RIN2: variants seen among roughly 807,000 people sequenced by gnomAD.
The protein encoded by RIN2 is Ras and Rab interactor 2, also known as RAB5 interacting protein 2.
RIN2 carries 36 observed loss-of-function variants against 78.0 expected under a neutral mutation model. The observed-to-expected ratio is 0.46, with a 90% CI of 0.35 to 0.61. RIN2 has a LOEUF of 0.61. Ranked by LOEUF, RIN2 falls within the 20% of genes least tolerant of loss-of-function variation. The pLI is 0.00. For missense variants in RIN2, 1,087 were observed against 1,159.7 expected (o/e 0.94, Z 0.91); for synonymous variants, 466 against 466.8 (o/e 1.00, Z 0.02).
At chr20:19,909,357 G>A (rs1471369306) in intron 3 of RIN2, among the ~76,000 whole-genome samples, 1 of 152,134 alleles carries the variant, frequency 6.6e-6, no homozygotes, top group Non-Finnish European at 1.5e-5. Context: ...CAAATACTGA[G>A]GAGTTTTGAT....
intron 3 of RIN2, among the ~76,000 whole-genome samples, chr20:19,924,179 A>ACCTTCATACTCC (rs1568614964): frequency 6.3e-5 from 2 of 31,944 alleles, no homozygotes; most frequent in African/African-American, 4.2e-4. Context: ...CTTCATACCC[A>ACCTTCATACTCC]CACCTTCATA....
At chr20:19,984,624 G>T (rs936089729) in intron 9 of RIN2, among the ~76,000 whole-genome samples, 11 of 152,106 alleles carry the variant, frequency 7.2e-5, no homozygotes, top group African/African-American at 2.7e-4. Context: ...AAAGTTAGCT[G>T]GGTGTGGTGG....
chr20:19,778,148 A>G (rs1159280989), intron 1 of RIN2, among the ~76,000 whole-genome samples: 2 of 152,262 alleles, frequency 1.3e-5, no homozygotes, highest in Non-Finnish European at 2.9e-5. Context: ...GTGTTTATAA[A>G]TTGCCTACAT....
At chr20:19,999,797 C>T (rs1195601661) in intron 12 of RIN2, among the ~76,000 whole-genome samples, 1 of 152,194 alleles carries the variant, frequency 6.6e-6, no homozygotes, top group Non-Finnish European at 1.5e-5. Context: ...TAATTCCCTG[C>T]AGCACCACCT....
intron 1 of RIN2, among the ~76,000 whole-genome samples, chr20:19,770,884 C>CAA (rs1491058933): frequency 7.3e-6 from 1 of 136,368 alleles, no homozygotes; most frequent in African/African-American, 2.7e-5. Context: ...CCCCCCCCCC[C>CAA]CACCTTCCCA....
chr20:19,962,313 TA>T (rs111625666), intron 6 of RIN2, among the ~76,000 whole-genome samples: 225 of 136,944 alleles, frequency 1.6e-3, no homozygotes, highest in Middle Eastern at 7.6e-3. Context: ...CCAAAAATAT[TA>T]AAAAAAAAAA....
In RIN2 at chr20:19,828,620, T is replaced by C. The variant is rs530133007; in HGVS notation, c.-37+28873T>C. Among the ~76,000 whole-genome samples, 75 of 152,326 alleles carry C rather than the reference T, an allele frequency of 4.9e-4. 1 individual carries two copies. Among genetic ancestry groups the C allele is most frequent in the Non-Finnish European group, 9.7e-4 (66 of 68,030 alleles). On this transcript the variant is annotated intron_variant, in intron 2 of 12. Transcript: ENST00000255006. ...TTATCTTCTAATATGAAAACCATTA[T>C]GTAGGTGCATAGATTTATTTGTCCT...
At chr20:19,849,193 T>C (rs1370775308) in intron 2 of RIN2, among the ~76,000 whole-genome samples, 1 of 152,338 alleles carries the variant, frequency 6.6e-6, no homozygotes, top group South Asian at 2.1e-4. Flanking sequence ...TCTGGTTCCC[T>C]GTGAGCTCAT....
intron 3 of RIN2, chr20:19,934,348 G>GT (rs2040551369): frequency 3.1e-6 from 1 of 318,164 alleles, no homozygotes; most frequent in Admixed American, 6.5e-5. Context: ...ACAGTGCCTA[G>GT]TACGCGCCAG....
At position 19,833,099 on chromosome 20, in the gene RIN2, A is replaced by G. The variant is rs2036297983; in HGVS notation, c.-37+33352A>G. Among the ~76,000 whole-genome samples the G allele has an allele frequency of 2.6e-5, 4 of 151,948 alleles. No individual in the cohort carries two copies. In the South Asian group the frequency reaches 8.3e-4, roughly 32 times the overall value. ...AGCTCCCGCCCACAGTTTTCCCCTC[A>G]CCTTCTGCCTCTAACAGACCTTGGT... On this transcript the variant is annotated intron_variant, in intron 2 of 12. Coordinates refer to ENST00000255006, the MANE Select transcript of RIN2 (RefSeq NM_018993.4).
intron 2 of RIN2, among the ~76,000 whole-genome samples, chr20:19,873,746 C>A (rs1267581335): frequency 2.6e-5 from 4 of 152,190 alleles, no homozygotes; most frequent in African/African-American, 9.6e-5. Flanking sequence ...GAATTTGCAT[C>A]TCTGTGGGCA....
intron 3 of RIN2, among the ~76,000 whole-genome samples, chr20:19,901,983 T>C (rs1385983229): frequency 7.3e-6 from 1 of 136,302 alleles, no homozygotes; most frequent in African/African-American, 2.8e-5. Context: ...ACCACTGCAC[T>C]TCAGCCTGGG....
intron 4 of RIN2, among the ~76,000 whole-genome samples, chr20:19,952,551 G>T (rs906070386): frequency 1.3e-5 from 2 of 152,208 alleles, no homozygotes; most frequent in East Asian, 1.9e-4. Flanking sequence ...AAGGCCCCAT[G>T]AATCTTATTC....
At position 19,793,492 on chromosome 20, in the gene RIN2, G is replaced by A. The variant is rs373690137; in HGVS notation, c.-162-6130G>A. ...AGGGAGATGGCAATGCCTTTCTCTA[G>A]TACAATTAATTTAAAGAAAAAAAAG... is the stretch of plus-strand genomic sequence containing the variant. On this transcript the variant is annotated intron_variant, in intron 1 of 12. Transcript: ENST00000255006. 1.3e-4 allele frequency among the ~76,000 whole-genome samples: 19 copies of A among 151,874 alleles called. No individual in the cohort carries two copies. In the South Asian group the frequency reaches 4.0e-3, roughly 32 times the overall value.
intron 2 of RIN2, among the ~76,000 whole-genome samples, chr20:19,879,623 G>A (rs774989558): frequency 3.9e-5 from 6 of 152,160 alleles, no homozygotes; most frequent in East Asian, 1.9e-4. Context: ...AACACACAGC[G>A]TGGTCAATTT....
At chr20:19,781,848 G>C (rs1292068749) in intron 1 of RIN2, among the ~76,000 whole-genome samples, 1 of 151,114 alleles carries the variant, frequency 6.6e-6, no homozygotes, top group Non-Finnish European at 1.5e-5. Context: ...CATTAACCCA[G>C]TGCTTGCAAT....
At chr20:19,940,785 G>T (rs940453328) in intron 4 of RIN2, among the ~76,000 whole-genome samples, 9 of 152,222 alleles carry the variant, frequency 5.9e-5, no homozygotes, top group African/African-American at 9.7e-5. Flanking sequence ...GGCTCACCAG[G>T]CCTGAGGTAG....
At chr20:19,945,436 T>G (rs986574908) in intron 4 of RIN2, among the ~76,000 whole-genome samples, 2 of 152,228 alleles carry the variant, frequency 1.3e-5, no homozygotes, top group African/African-American at 4.8e-5. Flanking sequence ...TCAGACCTCA[T>G]GCACTGCACC....
intron 1 of RIN2, among the ~76,000 whole-genome samples, chr20:19,798,051 CTG>C (rs901898090): frequency 1.8e-4 from 28 of 151,360 alleles, no homozygotes; most frequent in Admixed American, 6.6e-4. Context: ...TGGGGTTTCA[CTG>C]TGTTAGCCAG....
Sources: allele counts gnomAD v4.1 joint callset (sites outside exome capture counted in the v4.1 genomes callset), GRCh38; gene constraint gnomAD v4.1.1; transcripts MANE v1.5; gene names NCBI Gene and HGNC (gene_info 2026-07-23, HGNC 2026-07-21).